Variants in HAT1 observed in about 807,000 individuals in gnomAD.
HAT1 encodes histone acetyltransferase 1, also known as histone acetyltransferase type B catalytic subunit.
A neutral mutation model predicts 56.6 loss-of-function variants in HAT1; 20 were observed. The ratio of observed to expected loss-of-function variants is 0.35; its 90% confidence interval spans 0.25 to 0.51. The LOEUF (loss-of-function observed/expected upper bound fraction) is 0.51. Among genes scored for constraint, HAT1 ranks in the 20% least tolerant of loss-of-function variants. The pLI is 0.95. For missense variants in HAT1, 408 were observed against 504.3 expected, an observed-to-expected ratio of 0.81 and a Z score of 1.83; for synonymous variants, 146 against 165.5, an observed-to-expected ratio of 0.88 and a Z score of 0.91.
chr2:171,922,715 C>T (rs1686472082), intron 1 of HAT1: 2 of 404,606 alleles, frequency 4.9e-6, no homozygotes, highest in Non-Finnish European at 8.6e-6. Context: ...GCTTGGGGTT[C>T]TGCGCCTTCT....
chr2:171,938,208 A>G (rs905018396), intron 2 of HAT1, among the ~76,000 whole-genome samples: 5 of 152,156 alleles, frequency 3.3e-5, no homozygotes, highest in Non-Finnish European at 7.4e-5. Flanking sequence ...AGTCTGGGCA[A>G]CATAGCAAGA....
intron 9 of HAT1, among the ~76,000 whole-genome samples, chr2:171,977,548 TATATATATA>T (rs1451987964): frequency 6.2e-5 from 1 of 16,158 alleles, no homozygotes; most frequent in Non-Finnish European, 1.1e-4. Context: ...TATATATATA[TATATATATA>T]TTTTTTTTTT....
At chr2:171,925,315 C>T (rs920612809) in intron 1 of HAT1, among the ~76,000 whole-genome samples, 4 of 152,138 alleles carry the variant, frequency 2.6e-5, no homozygotes, top group African/African-American at 9.7e-5. Context: ...TGTGATCCAC[C>T]CACCTCAGCC....
chr2:171,939,796 C>CT (rs752238366), intron 2 of HAT1, among the ~76,000 whole-genome samples: 255 of 141,768 alleles, frequency 1.8e-3, no homozygotes, highest in East Asian at 3.5e-3. Flanking sequence ...TCCTTTTTTT[C>CT]TTTTTTTTTT....
chr2:171,956,044 CA>C (rs948262750), intron 4 of HAT1, among the ~76,000 whole-genome samples: 32 of 149,712 alleles, frequency 2.1e-4, no homozygotes, highest in African/African-American at 6.6e-4. Flanking sequence ...GACTCTGTCT[CA>C]AAAAAAAAGT....
At chr2:171,969,071 T>G (rs1233719658) in intron 8 of HAT1, among the ~76,000 whole-genome samples, 1 of 152,222 alleles carries the variant, frequency 6.6e-6, no homozygotes, top group Non-Finnish European at 1.5e-5. Flanking sequence ...GACAATTCCT[T>G]GTATACCATC....
chr2:171,952,967 C>T lies in HAT1; in HGVS notation c.275C>T (p.Ala92Val). 1 of 1,589,224 alleles carries T rather than the reference C, an allele frequency of 6.3e-7. No homozygotes were observed. The highest frequency in any genetic ancestry group is 8.6e-7 in the Non-Finnish European group (1 of 1,158,482). ...SLSTMFRVEYASKVDENFDCV... is the reference protein window; with the variant it reads ...SLSTMFRVEYVSKVDENFDCV... Reference sequence around the variant, plus strand: ...TCAACAATGTTCCGTGTTGAATATGCATCTAAAGTTGATGAGAACTTTGAC... The same window carrying T: ...TCAACAATGTTCCGTGTTGAATATGTATCTAAAGTTGATGAGAACTTTGAC... The change falls in exon 4 of 11, where the codon GCA (alanine) becomes GTA (valine). Residue 92 changes from alanine (A) to valine (V), a missense_variant. Transcript: ENST00000264108.
At chr2:171,966,972 C>A in intron 8 of HAT1, 23 bp downstream of exon 8, 2 of 961,860 alleles carry the variant, frequency 2.1e-6, no homozygotes, top group Non-Finnish European at 3.3e-6. Flanking sequence ...TGATTTGTTA[C>A]TGAAAGAGCC....
chr2:171,964,366 AACTC>A (rs1687639479), intron 4 of HAT1, among the ~76,000 whole-genome samples: 1 of 152,182 alleles, frequency 6.6e-6, no homozygotes, highest in Admixed American at 6.5e-5. Flanking sequence ...ATTACAGCTG[AACTC>A]ACGGCAAACT....
At chr2:171,968,470 A>G (rs1438277133) in intron 8 of HAT1, among the ~76,000 whole-genome samples, 4 of 152,144 alleles carry the variant, frequency 2.6e-5, no homozygotes, top group Non-Finnish European at 4.4e-5. Context: ...ACTCCAACCA[A>G]TAAAGTCCTT....
At chr2:171,945,747 C>G (rs1389915058) in intron 2 of HAT1, among the ~76,000 whole-genome samples, 1 of 152,144 alleles carries the variant, frequency 6.6e-6, no homozygotes, top group Non-Finnish European at 1.5e-5. Context: ...CGGCTCACTG[C>G]AACCTCCGCC....
In HAT1 at chr2:171,939,150, A is replaced by G. The variant is rs1182238411; in HGVS notation, c.113-7558A>G. Among the ~76,000 whole-genome samples, 4 of 152,188 alleles carry G rather than the reference A, an allele frequency of 2.6e-5. No individual in the cohort carries two copies. The East Asian group carries it at 7.7e-4, about 29-fold the overall frequency. On this transcript the variant is annotated intron_variant, in intron 2 of 10. Coordinates refer to ENST00000264108, the MANE Select transcript of HAT1 (RefSeq NM_003642.4). ...TTATTCAAAAATGGGTCACGGATCC[A>G]TTCCTTCCCAGTTCAGGGTTCTTTT...
At chr2:171,938,063 T>TCTCTCTCTCTCC (rs1686920857) in intron 2 of HAT1, among the ~76,000 whole-genome samples, 1 of 143,792 alleles carries the variant, frequency 7.0e-6, no homozygotes, top group Non-Finnish European at 1.5e-5. Flanking sequence ...TCTCTCTCTC[T>TCTCTCTCTCTCC]CTCTCTCTCT....
Position 171,971,003 on chromosome 2 carries a change from G to A in HAT1, c.823+4054G>A, listed in dbSNP as rs545694331. On this transcript the variant is annotated intron_variant, in intron 8 of 10. Coordinates refer to ENST00000264108, the MANE Select transcript of HAT1 (RefSeq NM_003642.4). ...ATCACAAGGTCAGAAGATCGAGACCGTCTTGGCTAACATGGTGAAACCCTG... is the reference window on the plus strand; with the variant it reads ...ATCACAAGGTCAGAAGATCGAGACCATCTTGGCTAACATGGTGAAACCCTG... Among the ~76,000 whole-genome samples, 160 of 151,762 alleles carry A rather than the reference G, an allele frequency of 1.1e-3. 1 individual carries two copies. The highest frequency in any genetic ancestry group is 3.4e-3 in the African/African-American group (142 of 41,456).
At chr2:171,925,277 G>C (rs961271378) in intron 1 of HAT1, among the ~76,000 whole-genome samples, 10 of 151,824 alleles carry the variant, frequency 6.6e-5, no homozygotes, top group African/African-American at 1.7e-4. Context: ...TCACCATCTT[G>C]GCGAGGCTGA....
intron 2 of HAT1, among the ~76,000 whole-genome samples, chr2:171,940,765 G>A (rs1687000564): frequency 6.6e-6 from 1 of 152,100 alleles, no homozygotes; most frequent in African/African-American, 2.4e-5. Context: ...TATACACAGA[G>A]GGCTTGGAGA....
At chr2:171,928,126 C>T (rs1686645166) in intron 2 of HAT1, among the ~76,000 whole-genome samples, 1 of 152,002 alleles carries the variant, frequency 6.6e-6, no homozygotes. Flanking sequence ...CTCAGGTGAT[C>T]TGCCCACCTT....
At position 171,925,688 on chromosome 2, in the gene HAT1, A is replaced by G. The variant is rs765642590; in HGVS notation, c.112+47A>G. On this transcript the variant is annotated intron_variant, in intron 2 of 10. Coordinates refer to ENST00000264108, the MANE Select transcript of HAT1 (RefSeq NM_003642.4). ...GATGTTATGTACATACTGTGTGTGT[A>G]TATATAATCTTTCATTTTAAATTTG... 7.8e-6 allele frequency: 6 copies of G among 765,300 alleles called. No individual in the cohort carries two copies. In the East Asian group the frequency reaches 1.0e-4, roughly 13 times the overall value. The allele number at this position is 765,300 out of a possible 1,614,324, so 47.4% of individuals were successfully genotyped here. A position where few individuals can be genotyped will look rare whatever the true frequency, so the allele number is the denominator to read the frequency against.
chr2:171,948,297 T>C (rs1687221035), intron 3 of HAT1, among the ~76,000 whole-genome samples: 2 of 152,202 alleles, frequency 1.3e-5, no homozygotes. Context: ...CTATCTCAAC[T>C]CACTGCAACC....
Sources: gnomAD v4.1 joint callset for allele counts (sites outside exome capture counted in the v4.1 genomes callset) on GRCh38, gnomAD v4.1.1 for gene constraint, MANE v1.5 for transcripts, NCBI Gene and HGNC (gene_info 2026-07-23, HGNC 2026-07-21) for gene names.